Variants in PRDM10 observed in about 807,000 individuals in gnomAD.
The protein encoded by PRDM10 is PR/SET domain 10, also known as PR domain zinc finger protein 10.
In PRDM10, 65 loss-of-function variants were observed where a neutral mutation model predicts 133.1. The ratio of observed to expected loss-of-function variants is 0.49; its 90% CI spans 0.40 to 0.60. The LOEUF is 0.60. Ranked by LOEUF, PRDM10 falls within the 20% of genes least tolerant of loss-of-function variation. PRDM10 has a pLI of 0.00. For synonymous variants in PRDM10, 582 were observed against 580.4 expected (o/e 1.00, Z -0.04); for missense variants, 1,137 against 1,507.1 (o/e 0.75, Z 4.07).
Position 129,902,438 on chromosome 11 carries a change from C to T in PRDM10, c.3346G>A (p.Glu1116Lys), listed in dbSNP as rs778218634. 12 of 1,613,988 alleles carry T rather than the reference C, an allele frequency of 7.4e-6. No individual in the cohort carries two copies. The highest frequency in any genetic ancestry group is 1.6e-4 in the Middle Eastern group (1 of 6,084). ...AGGGAGTCACTGTGTGCAGGTGGCT[C>T]GACCTGGACTCCACCAGAGAGGGCA... ...TSALSGGVQV[E>K]PPAHSDSLDP... is the part of the protein sequence containing the mutation. The change falls in exon 21 of 21, where the codon GAG becomes AAG. Residue 1116 changes from glutamate (E) to lysine (K), a missense_variant. Transcript: ENST00000360871.
At position 129,902,168 on chromosome 11, in the gene PRDM10, CCA is replaced by C; in HGVS notation, c.*143_*144del. 3.5e-6 allele frequency: 4 copies of C among 1,145,534 alleles called. No homozygotes were observed. In the South Asian group the frequency reaches 5.0e-5, roughly 14 times the overall value. The allele number at this position is 1,145,534 out of a possible 1,614,324, so 71.0% of individuals were successfully genotyped here. ...AAAGATGACCTTGGCAAAATAAACC[CCA>C]GTGTATGGATGAGAGACAAAACTGT... On this transcript the variant is annotated 3_prime_UTR_variant, in exon 21 of 21. Coordinates refer to ENST00000360871, the MANE Select transcript of PRDM10 (RefSeq NM_199437.2).
chr11:129,965,433 A>G (rs1375623624), intron 1 of PRDM10, among the ~76,000 whole-genome samples: 1 of 152,140 alleles, frequency 6.6e-6, no homozygotes, highest in Non-Finnish European at 1.5e-5. Flanking sequence ...GAGCCATGTT[A>G]CTGCTGTCCA....
At chr11:129,993,353 G>A (rs1317930582) in intron 1 of PRDM10, among the ~76,000 whole-genome samples, 1 of 152,138 alleles carries the variant, frequency 6.6e-6, no homozygotes, top group African/African-American at 2.4e-5. Flanking sequence ...TTCTAAAAGT[G>A]TTATTGTTTT....
At chr11:129,905,578 G>T in intron 20 of PRDM10, 60 bp downstream of exon 20, 1 of 1,212,694 alleles carries the variant, frequency 8.2e-7, no homozygotes, top group South Asian at 1.2e-5. Flanking sequence ...GTGGTGATAA[G>T]AGTTACTATA....
chr11:129,963,615 C>T (rs1470064348), intron 1 of PRDM10, among the ~76,000 whole-genome samples: 2 of 151,580 alleles, frequency 1.3e-5, no homozygotes, highest in Non-Finnish European at 2.9e-5. Context: ...TTACTATTTC[C>T]CCTCTTTCTC....
intron 8 of PRDM10, 134 bp from the exon 9 acceptor site, chr11:129,935,352 C>T: frequency 1.6e-6 from 1 of 632,026 alleles, no homozygotes; most frequent in South Asian, 2.1e-5. Flanking sequence ...CTGCTATTTG[C>T]ATTACTGTTC....
chr11:129,922,020 T>C (rs183825275), intron 13 of PRDM10, among the ~76,000 whole-genome samples: 16 of 152,264 alleles, frequency 1.1e-4, no homozygotes, highest in Middle Eastern at 3.4e-3. Flanking sequence ...CCAGTACTTC[T>C]GTGGGCATAC....
At chr11:129,990,522 C>CAAAA (rs59217112) in intron 1 of PRDM10, among the ~76,000 whole-genome samples, 21 of 67,064 alleles carry the variant, frequency 3.1e-4, no homozygotes, top group African/African-American at 8.4e-4. Flanking sequence ...ACTTTGTCTC[C>CAAAA]AAAAAAAAAA....
chr11:129,925,401 T>C (rs908547642), intron 11 of PRDM10, among the ~76,000 whole-genome samples, 172 bp from the exon 12 acceptor site: 2 of 152,152 alleles, frequency 1.3e-5, no homozygotes, highest in African/African-American at 4.8e-5. Context: ...ACACTGAAAA[T>C]GAAGCCATCC....
At chr11:129,996,401 T>C (rs1340049435) in intron 1 of PRDM10, among the ~76,000 whole-genome samples, 1 of 152,192 alleles carries the variant, frequency 6.6e-6, no homozygotes, top group Non-Finnish European at 1.5e-5. Context: ...CATTTTAAAA[T>C]ATTTGAAAAG....
intron 1 of PRDM10, among the ~76,000 whole-genome samples, chr11:130,001,492 G>C (rs1026617745): frequency 6.6e-6 from 1 of 152,138 alleles, no homozygotes; most frequent in Non-Finnish European, 1.5e-5. Flanking sequence ...AGCAGAATTA[G>C]GGCACAGGGC....
Position 129,923,263 on chromosome 11 carries a change from A to G in PRDM10, c.2019T>C (p.Cys673=). The G allele has an allele frequency of 3.2e-6, 5 of 1,586,604 alleles. No individual in the cohort carries two copies. The highest frequency in any genetic ancestry group is 4.3e-6 in the Non-Finnish European group (5 of 1,165,432). The change falls in exon 13 of 21, where the codon TGT becomes TGC. Residue 673 remains cysteine, a synonymous_variant. Coordinates refer to ENST00000360871, the MANE Select transcript of PRDM10 (RefSeq NM_199437.2). The surrounding 1 kb of genome is among the most constrained non-coding windows in gnomAD (Gnocchi z 4.4). The part of the protein sequence containing the change: ...SDRKDFLCST[C]GKQFKRKDKL... The stretch of plus-strand genomic sequence containing the variant: ...GGTGTCATACCTTAAATTGCTTCCC[A>G]CAGGTGGAACACAGGAAGTCTTTGC...
At chr11:129,915,604 A>C in intron 16 of PRDM10, 56 bp downstream of exon 16, 3 of 1,506,436 alleles carry the variant, frequency 2.0e-6, no homozygotes, top group Non-Finnish European at 2.7e-6. Flanking sequence ...ACCTTTCCTT[A>C]AGAGATTCCT....
intron 1 of PRDM10, among the ~76,000 whole-genome samples, chr11:129,976,444 C>G (rs896849065): frequency 2.0e-5 from 3 of 152,140 alleles, no homozygotes; most frequent in African/African-American, 7.2e-5. Context: ...GTGTGCTAGG[C>G]CCTGGTCTAA....
intron 7 of PRDM10, 54 bp downstream of exon 7, chr11:129,942,372 C>A: frequency 6.4e-7 from 1 of 1,552,314 alleles, no homozygotes; most frequent in Non-Finnish European, 8.7e-7. Flanking sequence ...TGCAAAAAGC[C>A]CTAAACAATC....
At chr11:129,989,253 C>A (rs375485772) in intron 1 of PRDM10, among the ~76,000 whole-genome samples, 31 of 151,890 alleles carry the variant, frequency 2.0e-4, no homozygotes, top group African/African-American at 7.5e-4. Flanking sequence ...TTGCAGTGAG[C>A]GGTGATCATG....
At chr11:129,902,695 ATAAGCTCCTTAAAGGAGCACCT>A (rs1213372570) in intron 20 of PRDM10, among the ~76,000 whole-genome samples, 179 bp from the exon 21 acceptor site, 1 of 152,176 alleles carries the variant, frequency 6.6e-6, no homozygotes, top group Non-Finnish European at 1.5e-5. Flanking sequence ...GACGACAAAG[ATAAGCTCCTTAAAGGAGCACCT>A]TAGCAGTTTC....
At chr11:129,967,151 G>A (rs973987509) in intron 1 of PRDM10, among the ~76,000 whole-genome samples, 1 of 152,178 alleles carries the variant, frequency 6.6e-6, no homozygotes, top group African/African-American at 2.4e-5. Context: ...AACACTTTGG[G>A]AGGCCGAGGT....
chr11:129,936,929 A>C (rs745874742), intron 8 of PRDM10, among the ~76,000 whole-genome samples: 11 of 152,262 alleles, frequency 7.2e-5, no homozygotes, highest in Non-Finnish European at 1.5e-4. Context: ...ATACACTAGA[A>C]TACCAAATGA....
Sources: allele counts gnomAD v4.1 joint callset (sites outside exome capture counted in the v4.1 genomes callset), GRCh38; gene constraint gnomAD v4.1.1; non-coding constraint Gnocchi (gnomAD v3.1); transcripts MANE v1.5; gene names NCBI Gene and HGNC (gene_info 2026-07-23, HGNC 2026-07-21).